The following METTL15 variants were observed in gnomAD, a reference collection of about 807,000 sequenced individuals.
METTL15 encodes the protein methyltransferase 15, mitochondrial 12S rRNA N4-cytidine.
A neutral mutation model predicts 38.3 loss-of-function variants in METTL15; 34 were observed. The observed-to-expected ratio is 0.89, with a 90% confidence interval of 0.68 to 1.18. The LOEUF (loss-of-function observed/expected upper bound fraction) is 1.18, where lower values mean the gene tolerates loss of function less well. Among genes scored for constraint, METTL15 ranks in the 50% most tolerant of loss-of-function variants. The pLI is 0.00. For missense variants in METTL15, 438 were observed against 498.4 expected (o/e 0.88, Z 1.15); for synonymous variants, 162 against 170.9 (o/e 0.95, Z 0.41).
chr11:28,271,341 C>T (rs1276352201), intron 4 of METTL15, among the ~76,000 whole-genome samples: 1 of 152,096 alleles, frequency 6.6e-6, no homozygotes, highest in Non-Finnish European at 1.5e-5. Context: ...TGTCGTTGCT[C>T]TTTTTTAAGT....
chr11:28,198,602 T>C (rs1851992398), intron 3 of METTL15, among the ~76,000 whole-genome samples: 1 of 152,148 alleles, frequency 6.6e-6, no homozygotes, highest in Admixed American at 6.6e-5. Context: ...TATGTGCTTC[T>C]GAGAGTTTTT....
At position 28,523,789 on chromosome 11, in the gene METTL15, C is replaced by G. The variant is rs185785201; in HGVS notation, c.*425-2689C>G. On this transcript the variant is annotated intron_variant and NMD_transcript_variant, in intron 6 of 7. Coordinates refer to the METTL15 transcript ENST00000532947. ...ACCAAATATTTGGTAAAGTTATTGACTATGATAACTTGAAGGCAGAAAATG... is the reference window on the plus strand; with the variant it reads ...ACCAAATATTTGGTAAAGTTATTGAGTATGATAACTTGAAGGCAGAAAATG... Among the ~76,000 whole-genome samples the G allele has an allele frequency of 3.6e-4, 55 of 152,304 alleles. No individual in the cohort carries two copies. The East Asian group carries it at 0.01, about 28-fold the overall frequency.
At chr11:28,383,040 T>C (rs1850405467) in intron 5 of METTL15, among the ~76,000 whole-genome samples, 1 of 151,448 alleles carries the variant, frequency 6.6e-6, no homozygotes, top group Non-Finnish European at 1.5e-5. Context: ...GTCATGGGGG[T>C]TTGGTGTACA....
intron 4 of METTL15, among the ~76,000 whole-genome samples, chr11:28,225,139 C>A (rs2133872084): frequency 6.6e-6 from 1 of 151,822 alleles, no homozygotes; most frequent in Non-Finnish European, 1.5e-5. Context: ...TACTTCTTGG[C>A]TCTTTAAATT....
chr11:28,150,629 G>C (rs1476430082), intron 3 of METTL15, among the ~76,000 whole-genome samples: 1 of 118,694 alleles, frequency 8.4e-6, no homozygotes, highest in Non-Finnish European at 2.0e-5. Flanking sequence ...TCGCCTGTGT[G>C]ATAGAAAAAA....
chr11:28,513,489 C>T (rs1851693270), intron 6 of METTL15, among the ~76,000 whole-genome samples: 1 of 152,174 alleles, frequency 6.6e-6, no homozygotes, highest in South Asian at 2.1e-4. Context: ...AATCTACCTG[C>T]ATGAGGTGCC....
chr11:28,234,059 G>T (rs1011686718), intron 4 of METTL15, among the ~76,000 whole-genome samples: 3 of 151,070 alleles, frequency 2.0e-5, no homozygotes, highest in Non-Finnish European at 4.4e-5. Flanking sequence ...ATGGTGTTTG[G>T]TTTTTTGTCC....
chr11:28,450,222 T>C (rs928048341), intron 6 of METTL15, among the ~76,000 whole-genome samples: 2 of 152,198 alleles, frequency 1.3e-5, no homozygotes, highest in South Asian at 4.1e-4. Context: ...TACCCTGATT[T>C]AGCATCAAAT....
At chr11:28,233,139 A>G (rs1283204552) in intron 4 of METTL15, among the ~76,000 whole-genome samples, 2 of 152,092 alleles carry the variant, frequency 1.3e-5, no homozygotes, top group East Asian at 1.9e-4. Flanking sequence ...CTTAAAATGT[A>G]CATTTGTATT....
chr11:28,314,831 C>T (rs1197747142), intron 6 of METTL15, among the ~76,000 whole-genome samples: 1 of 152,142 alleles, frequency 6.6e-6, no homozygotes, highest in Non-Finnish European at 1.5e-5. Context: ...GTGAATGGGT[C>T]TCACAAGATC....
chr11:28,169,275 C>T (rs551393429), intron 3 of METTL15, among the ~76,000 whole-genome samples: 5 of 152,192 alleles, frequency 3.3e-5, no homozygotes, highest in African/African-American at 4.8e-5. Flanking sequence ...ATTCAGGAGC[C>T]GTGGCTGTTA....
chr11:28,527,530 G>A (rs538530503), downstream of METTL15, among the ~76,000 whole-genome samples: 2 of 152,186 alleles, frequency 1.3e-5, no homozygotes, highest in Non-Finnish European at 2.9e-5. Flanking sequence ...GTCACAGTCA[G>A]TATCCTTGTG....
intron 3 of METTL15, among the ~76,000 whole-genome samples, chr11:28,192,662 C>CT (rs1405376038): frequency 6.6e-6 from 1 of 152,006 alleles, no homozygotes; most frequent in Non-Finnish European, 1.5e-5. Flanking sequence ...TGGAACTGGA[C>CT]TTTCCTTTAT....
intron 3 of METTL15, among the ~76,000 whole-genome samples, chr11:28,148,660 G>A (rs1017982934): frequency 2.0e-5 from 3 of 151,830 alleles, no homozygotes; most frequent in African/African-American, 4.8e-5. Context: ...AGCTAAATGA[G>A]CTTCTATTTA....
intron 3 of METTL15, among the ~76,000 whole-genome samples, chr11:28,146,509 A>G (rs1410275458): frequency 6.6e-6 from 1 of 151,940 alleles, no homozygotes; most frequent in South Asian, 2.1e-4. Context: ...TGCTTCATAG[A>G]TTTTTAAAAA....
intron 3 of METTL15, among the ~76,000 whole-genome samples, chr11:28,181,304 A>T (rs1476781997): frequency 2.8e-5 from 4 of 143,118 alleles, no homozygotes; most frequent in Non-Finnish European, 6.0e-5. Flanking sequence ...TACATGCAGA[A>T]CGTGCAGGTT....
chr11:28,374,085 G>C (rs1379646284), intron 5 of METTL15, among the ~76,000 whole-genome samples: 1 of 152,172 alleles, frequency 6.6e-6, no homozygotes, highest in Admixed American at 6.5e-5. Context: ...AGTATAGTTT[G>C]AAGTCAGGTA....
At chr11:28,288,521 A>T (rs938574748) in intron 4 of METTL15, among the ~76,000 whole-genome samples, 3 of 152,186 alleles carry the variant, frequency 2.0e-5, no homozygotes, top group African/African-American at 7.2e-5. Flanking sequence ...AGGAACATGG[A>T]TGGAGCTGTA....
intron 4 of METTL15, among the ~76,000 whole-genome samples, chr11:28,269,314 A>G (rs1335955393): frequency 1.3e-5 from 2 of 152,092 alleles, no homozygotes; most frequent in African/African-American, 2.4e-5. Context: ...AATTATATAT[A>G]TATAAAAAAC....
Sources: allele counts gnomAD v4.1 joint callset (sites outside exome capture counted in the v4.1 genomes callset), GRCh38; gene constraint gnomAD v4.1.1; transcripts MANE v1.5; gene names NCBI Gene and HGNC (gene_info 2026-07-23, HGNC 2026-07-21).